SCGB1A1: variants seen among roughly 807,000 people sequenced by gnomAD.
SCGB1A1 encodes the protein uteroglobin.
SCGB1A1 carries 8 observed loss-of-function variants against 7.5 expected under a neutral mutation model. The ratio of observed to expected loss-of-function variants is 1.07; its 90% CI spans 0.63 to 1.92. The LOEUF (loss-of-function observed/expected upper bound fraction) is 1.92, where lower values mean the gene tolerates loss of function less well. Among genes scored for constraint, SCGB1A1 ranks in the 30% most tolerant of loss-of-function variants. The probability of loss-of-function intolerance (pLI) is 0.00; values close to 1 mark genes in which losing one functional copy is unlikely to be tolerated. For missense variants in SCGB1A1, 121 were observed against 112.7 expected, an observed-to-expected ratio of 1.07 and a Z score of -0.33; for synonymous variants, 44 against 40.8, an observed-to-expected ratio of 1.08 and a Z score of -0.30.
At chr11:62,419,287 A>G (rs2134741396) in intron 1 of SCGB1A1, 137 bp downstream of exon 1, 1 of 643,176 alleles carries the variant, frequency 1.6e-6, no homozygotes, top group Non-Finnish European at 2.3e-6. Context: ...TGAGTCTCAG[A>G]AAACTGGGTC....
rs745369225 is a variant in SCGB1A1, at chr11:62,422,375, C to A, written c.210C>A (p.Pro70=). 58 of 1,613,836 alleles carry A rather than the reference C, an allele frequency of 3.6e-5. No individual in the cohort carries two copies. The highest frequency in any genetic ancestry group is 4.4e-5 in the Non-Finnish European group (52 of 1,179,826). The part of the protein sequence containing the change: ...AQLKKLVDTL[P]QKPRESIIKL... ...TGAAGAAGCTGGTGGACACCCTCCC[C>A]CAAAAGCCCAGAGAAAGCATCATTA... Residue 70 remains proline, a synonymous_variant, in exon 2 of 3, where the codon CCC becomes CCA. Transcript: ENST00000278282.
chr11:62,421,220 T>C (rs1250004469), intron 1 of SCGB1A1, among the ~76,000 whole-genome samples: 2 of 152,112 alleles, frequency 1.3e-5, no homozygotes, highest in Non-Finnish European at 2.9e-5. Context: ...TGAGACTCAC[T>C]GGGAAGATGG....
At chr11:62,422,092 C>T in intron 1 of SCGB1A1, 129 bp from the exon 2 acceptor site, 1 of 654,260 alleles carries the variant, frequency 1.5e-6, no homozygotes, top group African/African-American at 1.8e-5. Flanking sequence ...ACACTCTAGT[C>T]CATCGATGAA....
chr11:62,420,980 T>G (rs1048006497), intron 1 of SCGB1A1, among the ~76,000 whole-genome samples: 3 of 150,628 alleles, frequency 2.0e-5, no homozygotes, highest in Non-Finnish European at 3.0e-5. Context: ...AAATTAAAAT[T>G]TAAAAAATAA....
intron 2 of SCGB1A1, among the ~76,000 whole-genome samples, chr11:62,422,823 C>G (rs901293574): frequency 6.6e-6 from 1 of 152,160 alleles, no homozygotes; most frequent in African/African-American, 2.4e-5. Context: ...ATCCACCCGC[C>G]TCAGCCTCCC....
chr11:62,419,267 C>T, intron 1 of SCGB1A1, 117 bp downstream of exon 1: 2 of 796,032 alleles, frequency 2.5e-6, no homozygotes, highest in African/African-American at 3.6e-5. Context: ...CTGGGAGGAC[C>T]TGGGCATGCT....
intron 2 of SCGB1A1, 105 bp downstream of exon 2, chr11:62,422,513 C>A: frequency 2.2e-6 from 2 of 889,868 alleles, no homozygotes; most frequent in Non-Finnish European, 3.4e-6. Flanking sequence ...AGAGGAGAGT[C>A]ACAGTGCCAC....
chr11:62,422,125 G>T, intron 1 of SCGB1A1, 96 bp from the exon 2 acceptor site: 1 of 961,468 alleles, frequency 1.0e-6, no homozygotes, highest in South Asian at 2.1e-5. Context: ...TCTCGCTGAT[G>T]GGCCTGGCTG....
chr11:62,422,407 TGGTA>T lies in SCGB1A1; in HGVS notation c.243_243+3del, dbSNP rs1937820794. On this transcript the variant is annotated splice_donor_variant and splice_donor_region_variant and coding_sequence_variant and intron_variant, in exon 2 of 3. Coordinates refer to ENST00000278282, the MANE Select transcript of SCGB1A1 (RefSeq NM_003357.5). LOFTEE classifies it high-confidence loss of function. ...CCCAGAGAAAGCATCATTAAGCTCATGGTAACCAGCACCTTTCACGTCACACTGG... is the reference window on the plus strand; with the variant it reads ...CCCAGAGAAAGCATCATTAAGCTCATACCAGCACCTTTCACGTCACACTGG... 2 of 1,610,414 alleles carry T rather than the reference TGGTA, an allele frequency of 1.2e-6. No individual in the cohort carries two copies. Among genetic ancestry groups the T allele is most frequent in the Non-Finnish European group, 1.7e-6 (2 of 1,177,570 alleles).
chr11:62,419,334 C>T (rs990136211), intron 1 of SCGB1A1, among the ~76,000 whole-genome samples, 184 bp downstream of exon 1: 1 of 152,190 alleles, frequency 6.6e-6, no homozygotes, highest in Admixed American at 6.5e-5. Flanking sequence ...TGGAGAGAGC[C>T]CCAGGCTGTA....
Position 62,422,341 on chromosome 11 carries a change from G to C in SCGB1A1, c.176G>C (p.Gly59Ala), listed in dbSNP as rs1937818075. Residue 59 changes from glycine (G) to alanine (A), a missense_variant, in exon 2 of 3, where the codon GGG becomes GCG. Gly to Ala is a moderately conservative substitution (Grantham distance 60). Coordinates refer to ENST00000278282, the MANE Select transcript of SCGB1A1 (RefSeq NM_003357.5). Reference sequence around the variant, plus strand: ...CCTGATCAAGACATGAGGGAGGCAGGGGCTCAGCTGAAGAAGCTGGTGGAC... The same window carrying C: ...CCTGATCAAGACATGAGGGAGGCAGCGGCTCAGCTGAAGAAGCTGGTGGAC... Reference protein sequence around the residue: ...FSPDQDMREAGAQLKKLVDTL... With the variant: ...FSPDQDMREAAAQLKKLVDTL... 3 of 1,614,002 alleles carry C rather than the reference G, an allele frequency of 1.9e-6. No individual in the cohort carries two copies. Among genetic ancestry groups the C allele is most frequent in the African/African-American group, 1.3e-5 (1 of 74,930 alleles).
chr11:62,421,471 C>G (rs996317964), intron 1 of SCGB1A1, among the ~76,000 whole-genome samples: 1 of 148,306 alleles, frequency 6.7e-6, no homozygotes, highest in African/African-American at 2.5e-5. Context: ...CTTTTCTTTT[C>G]TTTTCTTCTT....
intron 1 of SCGB1A1, chr11:62,421,866 T>C (rs1212319293): frequency 6.3e-6 from 1 of 159,898 alleles, no homozygotes; most frequent in Non-Finnish European, 1.4e-5. Context: ...CAGTGAAGCA[T>C]GGCTCAGGGC....
intron 1 of SCGB1A1, among the ~76,000 whole-genome samples, chr11:62,420,590 G>A (rs987067980): frequency 4.0e-5 from 6 of 150,368 alleles, no homozygotes; most frequent in African/African-American, 9.7e-5. Context: ...GGGATTAGGC[G>A]TGAGCCACCA....
chr11:62,422,988 A>G, intron 2 of SCGB1A1, 71 bp from the exon 3 acceptor site: 3 of 1,436,472 alleles, frequency 2.1e-6, no homozygotes, highest in Non-Finnish European at 2.9e-6. Flanking sequence ...GTGGCTCGTC[A>G]TCTCTGCCTA....
At chr11:62,422,958 C>CGGA (rs776215739) in intron 2 of SCGB1A1, 101 bp from the exon 3 acceptor site, 15 of 1,090,092 alleles carry the variant, frequency 1.4e-5, no homozygotes, top group Non-Finnish European at 2.0e-5. Flanking sequence ...CTGCACCTCT[C>CGGA]GGTTAATGTT....
intron 1 of SCGB1A1, 27 bp downstream of exon 1, chr11:62,419,177 C>T: frequency 6.9e-7 from 1 of 1,457,090 alleles, no homozygotes; most frequent in Non-Finnish European, 9.2e-7. Context: ...CCTTCCCTCC[C>T]TCCTGGACTT....
At chr11:62,423,002 A>G in intron 2 of SCGB1A1, 57 bp from the exon 3 acceptor site, 1 of 1,514,522 alleles carries the variant, frequency 6.6e-7, no homozygotes. Flanking sequence ...CTGCCTAACT[A>G]TGCAATTCAT....
chr11:62,422,991 T>A (rs1433357517), intron 2 of SCGB1A1, 68 bp from the exon 3 acceptor site: 19 of 1,460,206 alleles, frequency 1.3e-5, no homozygotes, highest in Non-Finnish European at 1.8e-5. Context: ...GCTCGTCATC[T>A]CTGCCTAACT....
Sources: allele counts gnomAD v4.1 joint callset (sites outside exome capture counted in the v4.1 genomes callset), GRCh38; gene constraint gnomAD v4.1.1; transcripts MANE v1.5; gene names NCBI Gene and HGNC (gene_info 2026-07-23, HGNC 2026-07-21).